The following STAT5B variants were observed in gnomAD, a reference collection of about 807,000 sequenced individuals.
STAT5B encodes signal transducer and activator of transcription 5B, also known as transcription factor STAT5B.
A neutral mutation model predicts 107.8 loss-of-function variants in STAT5B; 21 were observed. The observed-to-expected ratio is 0.19, with a 90% CI of 0.14 to 0.28. STAT5B has a LOEUF of 0.28. STAT5B is among the 10% of genes least tolerant of loss of function. The pLI is 1.00. For synonymous variants in STAT5B, 325 were observed against 401.7 expected (o/e 0.81, Z 2.28); for missense variants, 565 against 1,008.2 (o/e 0.56, Z 5.95).
At chr17:42,248,989 G>A (rs960630950) in intron 1 of STAT5B, among the ~76,000 whole-genome samples, 5 of 152,244 alleles carry the variant, frequency 3.3e-5, no homozygotes, top group African/African-American at 1.2e-4. Context: ...ATGGAGCTAC[G>A]CTTTTTCAAC....
intron 1 of STAT5B, among the ~76,000 whole-genome samples, chr17:42,255,319 A>G (rs566951963): frequency 1.4e-4 from 21 of 152,324 alleles, no homozygotes; most frequent in African/African-American, 4.8e-4. Flanking sequence ...GTTTATCAGC[A>G]AGACTTGGAG....
rs1446472242 is a variant in STAT5B, at chr17:42,200,930, G to A, written c.*808C>T. On this transcript the variant is annotated 3_prime_UTR_variant, in exon 19 of 19. Coordinates refer to ENST00000293328, the MANE Select transcript of STAT5B (RefSeq NM_012448.4). ...ACTCCACTCTGGCCAGAACACAAAC[G>A]GCATTGGCACTGTAAGCTCTCAGTT... 3.3e-5 allele frequency: 13 copies of A among 397,020 alleles called. No homozygotes were observed. The highest frequency in any genetic ancestry group is 4.4e-5 in the Non-Finnish European group (10 of 225,674). 24.6% of individuals were successfully genotyped at this position (397,020 alleles called of 1,614,324 possible).
At chr17:42,204,546 G>A (rs1343648853) in intron 16 of STAT5B, among the ~76,000 whole-genome samples, 1 of 152,158 alleles carries the variant, frequency 6.6e-6, no homozygotes, top group East Asian at 1.9e-4. Context: ...TGTTTTTTGT[G>A]CTTTACAGTG....
intron 1 of STAT5B, among the ~76,000 whole-genome samples, chr17:42,259,743 T>C (rs931359337): frequency 6.6e-6 from 1 of 151,646 alleles, no homozygotes; most frequent in African/African-American, 2.4e-5. Context: ...GCCAAGATCA[T>C]GCCACTTCAC....
intron 12 of STAT5B, chr17:42,214,216 T>C: frequency 2.0e-6 from 2 of 985,084 alleles, no homozygotes; most frequent in South Asian, 9.4e-5. Flanking sequence ...TAAAAATGCT[T>C]ATTTATTTAG....
At chr17:42,215,832 G>A (rs113210766) in intron 12 of STAT5B, among the ~76,000 whole-genome samples, 182 bp downstream of exon 12, 1 of 152,114 alleles carries the variant, frequency 6.6e-6, no homozygotes, top group Non-Finnish European at 1.5e-5. Context: ...ATGTTGGCCA[G>A]GCTGGTCTCG....
chr17:42,263,908 CACAG>C (rs1206828713), intron 1 of STAT5B, among the ~76,000 whole-genome samples: 26 of 144,606 alleles, frequency 1.8e-4, no homozygotes, highest in African/African-American at 5.5e-4. Context: ...CACACACACA[CACAG>C]GGAACTCCAC....
intron 1 of STAT5B, among the ~76,000 whole-genome samples, chr17:42,275,992 G>C (rs1379349462): frequency 6.6e-6 from 1 of 151,590 alleles, no homozygotes; most frequent in Non-Finnish European, 1.5e-5. Flanking sequence ...TAAAGCGCAC[G>C]CCCCCCGCGG....
chr17:42,231,201 T>C lies in STAT5B; in HGVS notation c.128+799A>G, dbSNP rs956073714. On this transcript the variant is annotated intron_variant, in intron 2 of 18. Transcript: ENST00000293328. ...TATTATTATTTTTTGACATAGGATCTTGCTATGTTGCCTAGGCTGGCCTCA... is the reference window on the plus strand; with the variant it reads ...TATTATTATTTTTTGACATAGGATCCTGCTATGTTGCCTAGGCTGGCCTCA... Among the ~76,000 whole-genome samples, 4 of 152,202 alleles carry C rather than the reference T, an allele frequency of 2.6e-5. No homozygotes were observed. The South Asian group carries it at 8.3e-4, about 31-fold the overall frequency.
At chr17:42,240,684 C>G (rs1262584443) in intron 1 of STAT5B, among the ~76,000 whole-genome samples, 1 of 152,158 alleles carries the variant, frequency 6.6e-6, no homozygotes, top group Non-Finnish European at 1.5e-5. Flanking sequence ...GCTCCAGGGT[C>G]GGTCCATACT....
chr17:42,247,497 T>C (rs2080461582), intron 1 of STAT5B, among the ~76,000 whole-genome samples: 1 of 152,246 alleles, frequency 6.6e-6, no homozygotes, highest in African/African-American at 2.4e-5. Context: ...AAACGCTTCA[T>C]CAGCTGGTTA....
intron 1 of STAT5B, chr17:42,271,392 T>C (rs950678186): frequency 5.3e-5 from 8 of 152,236 alleles, no homozygotes; most frequent in African/African-American, 1.9e-4. Flanking sequence ...TATTTCCCCT[T>C]GTCTTCCCCA....
Position 42,201,702 on chromosome 17 carries a change from G to T in STAT5B, c.*36C>A, listed in dbSNP as rs367656244. 3.1e-6 allele frequency: 4 copies of T among 1,274,122 alleles called. No individual in the cohort carries two copies. Among genetic ancestry groups the T allele is most frequent in the Non-Finnish European group, 3.5e-6 (3 of 869,406 alleles). The allele number at this position is 1,274,122 out of a possible 1,614,324, so 78.9% of individuals were successfully genotyped here. A position where few individuals can be genotyped will look rare whatever the true frequency, so the allele number is the denominator to read the frequency against. On this transcript the variant is annotated 3_prime_UTR_variant, in exon 19 of 19. Transcript: ENST00000293328. ...CATCCACAAGAGTGATTCCTCTGGT[G>T]AAGATGAAGAAGCTGAAGATGGAGA... is the stretch of plus-strand genomic sequence containing the variant.
At chr17:42,217,832 G>T in intron 9 of STAT5B, 1 of 440,310 alleles carries the variant, frequency 2.3e-6, no homozygotes, top group South Asian at 2.1e-5. Context: ...AGGCTCTCTA[G>T]TGGCTGGGAT....
intron 1 of STAT5B, among the ~76,000 whole-genome samples, chr17:42,273,646 G>A (rs1015000214): frequency 6.6e-6 from 1 of 152,178 alleles, no homozygotes; most frequent in Non-Finnish European, 1.5e-5. Context: ...AAAATAGTTA[G>A]GCTTCCTTCG....
intron 1 of STAT5B, among the ~76,000 whole-genome samples, chr17:42,250,923 CAA>C (rs562263374): frequency 3.0e-4 from 18 of 59,098 alleles, no homozygotes; most frequent in Non-Finnish European, 3.1e-4. Context: ...AACTCTGTCT[CAA>C]AAAAAAAAAA....
intron 1 of STAT5B, among the ~76,000 whole-genome samples, chr17:42,242,366 C>T (rs574645232): frequency 3.3e-5 from 5 of 152,262 alleles, no homozygotes; most frequent in East Asian, 3.9e-4. Flanking sequence ...TGGGGAACAG[C>T]ATTTAGTCTC....
chr17:42,203,366 T>C (rs1161358112), intron 16 of STAT5B, among the ~76,000 whole-genome samples: 5 of 151,982 alleles, frequency 3.3e-5, no homozygotes, highest in African/African-American at 7.3e-5. Flanking sequence ...CCATGGAAAC[T>C]ATGTACTTCA....
At chr17:42,248,612 C>T (rs976251503) in intron 1 of STAT5B, among the ~76,000 whole-genome samples, 1 of 152,208 alleles carries the variant, frequency 6.6e-6, no homozygotes, top group Non-Finnish European at 1.5e-5. Flanking sequence ...GGTGTAGGAA[C>T]TTGAGTGCAT....
Sources: allele counts gnomAD v4.1 joint callset (sites outside exome capture counted in the v4.1 genomes callset), GRCh38; gene constraint gnomAD v4.1.1; transcripts MANE v1.5; gene names NCBI Gene and HGNC (gene_info 2026-07-23, HGNC 2026-07-21).